The following LACTBL1 variants were observed in gnomAD, a reference collection of about 807,000 sequenced individuals.
LACTBL1 encodes the protein beta-lactamase-like protein 1.
LACTBL1 carries 29 observed loss-of-function variants against 39.6 expected under a neutral mutation model. The ratio of observed to expected loss-of-function variants is 0.73; its 90% confidence interval spans 0.55 to 1.00. The LOEUF is 1.00. Ranked by LOEUF, LACTBL1 falls within the 50% of genes least tolerant of loss-of-function variation. LACTBL1 has a pLI of 0.00. For synonymous variants in LACTBL1, 361 were observed against 360.7 expected (o/e 1.00, Z -0.01); for missense variants, 711 against 748.5 (o/e 0.95, Z 0.59).
chr1:22,955,671 C>T (rs1029544765), intron 4 of LACTBL1, among the ~76,000 whole-genome samples: 1 of 152,188 alleles, frequency 6.6e-6, no homozygotes, highest in Admixed American at 6.5e-5. Context: ...GGAAATAATC[C>T]TTGTACCCAA....
intron 1 of LACTBL1, among the ~76,000 whole-genome samples, chr1:22,964,835 C>T (rs996067023): frequency 2.6e-5 from 4 of 152,160 alleles, no homozygotes; most frequent in South Asian, 2.1e-4. Flanking sequence ...TGGGCCTTGA[C>T]CCGTTCAGGA....
At chr1:22,970,429 A>G in the LACTBL1 span, among the ~76,000 whole-genome samples, 1 of 152,180 alleles carries the variant, frequency 6.6e-6, no homozygotes, top group Non-Finnish European at 1.5e-5. Flanking sequence ...AAACAACTCA[A>G]TGGTTGTCTG....
upstream of LACTBL1, chr1:22,965,494 C>T (rs1640867856): frequency 2.2e-6 from 2 of 889,864 alleles, no homozygotes; most frequent in African/African-American, 1.8e-5. Context: ...GGACCCTAAC[C>T]CTGGCCCCTC....
chr1:22,953,769 C>G (rs759928092), exon 6 of LACTBL1: 1 of 1,479,648 alleles, frequency 6.8e-7, no homozygotes, highest in African/African-American at 1.5e-5. Flanking sequence ...CCAGCTTGGC[C>G]AGGTCGGCGG....
chr1:22,953,551 G>A (rs1640730277), exon 6 of LACTBL1: 7 of 1,248,236 alleles, frequency 5.6e-6, no homozygotes, highest in South Asian at 3.7e-5. Context: ...CAGACGCAGC[G>A]GGGGCACCAG....
chr1:22,953,503 C>T, exon 6 of LACTBL1: 3 of 1,232,634 alleles, frequency 2.4e-6, no homozygotes, highest in Non-Finnish European at 3.0e-6. Flanking sequence ...CAGGTCGGGC[C>T]CGGGCGGCCG....
At chr1:22,960,617 C>CAAAAAAAA (rs35006759) in intron 2 of LACTBL1, among the ~76,000 whole-genome samples, 1 of 37,988 alleles carries the variant, frequency 2.6e-5, no homozygotes, top group Non-Finnish European at 4.9e-5. Flanking sequence ...AACTCCGTCT[C>CAAAAAAAA]AAAAAAAAAA....
chr1:22,972,368 A>G, the LACTBL1 span: 1 of 985,308 alleles, frequency 1.0e-6, no homozygotes. Context: ...GGTCTACACC[A>G]CAGGAGATCC....
chr1:22,957,640 C>CTTTTTTTT (rs34603019), intron 4 of LACTBL1, among the ~76,000 whole-genome samples: 2 of 56,640 alleles, frequency 3.5e-5, no homozygotes, highest in African/African-American at 1.5e-4. Flanking sequence ...TCTTAATATT[C>CTTTTTTTT]TTTTTTTTTT....
intron 2 of LACTBL1, among the ~76,000 whole-genome samples, chr1:22,961,963 C>G (rs1038536720): frequency 4.0e-5 from 6 of 151,814 alleles, no homozygotes; most frequent in Admixed American, 1.3e-4. Flanking sequence ...GGTCAGGCTG[C>G]TCTTGAACTC....
chr1:22,962,342 G>A (rs777003861), intron 2 of LACTBL1, among the ~76,000 whole-genome samples: 24 of 151,960 alleles, frequency 1.6e-4, no homozygotes, highest in Admixed American at 2.6e-4. Flanking sequence ...ACTATTCCTC[G>A]GATGATAGTT....
chr1:22,953,046 C>A (rs902085571), exon 6 of LACTBL1: 6 of 1,232,324 alleles, frequency 4.9e-6, no homozygotes, highest in Non-Finnish European at 5.1e-6. Flanking sequence ...CCCGGGGTCA[C>A]TGGGTCTTGA....
upstream of LACTBL1, among the ~76,000 whole-genome samples, chr1:22,967,147 T>A (rs1022879342): frequency 1.3e-5 from 2 of 152,114 alleles, no homozygotes; most frequent in Admixed American, 6.5e-5. Context: ...GGCGGGTGGA[T>A]CACTTGAGCC....
exon 4 of LACTBL1, chr1:22,958,793 C>A (rs1407500438): frequency 2.6e-6 from 4 of 1,550,552 alleles, no homozygotes; most frequent in Non-Finnish European, 3.5e-6. Context: ...GATGCCAGGC[C>A]CAGCGGGTTG....
upstream of LACTBL1, among the ~76,000 whole-genome samples, chr1:22,970,101 CT>C (rs1198421390): frequency 6.6e-6 from 1 of 152,186 alleles, no homozygotes; most frequent in Non-Finnish European, 1.5e-5. Flanking sequence ...ACTTTTACAT[CT>C]GGAAATCTTG....
chr1:22,961,921 T>C (rs1039602655), intron 2 of LACTBL1, among the ~76,000 whole-genome samples: 2 of 152,128 alleles, frequency 1.3e-5, no homozygotes, highest in Non-Finnish European at 2.9e-5. Flanking sequence ...TGATGTTTTA[T>C]ATTTTTAGTA....
At chr1:22,962,437 G>T (rs578252740) in intron 2 of LACTBL1, among the ~76,000 whole-genome samples, 10 of 152,280 alleles carry the variant, frequency 6.6e-5, no homozygotes, top group African/African-American at 2.4e-4. Context: ...GGTGACCCAA[G>T]TGGCTGGGCT....
At chr1:22,963,155 G>A (rs991469914) in exon 2 of LACTBL1, 51 of 1,303,346 alleles carry the variant, frequency 3.9e-5, no homozygotes, top group South Asian at 1.5e-4. Context: ...CCAGGGGCAC[G>A]GGCTCAGGGT....
In LACTBL1 at chr1:22,953,531, G is replaced by GCAC. The variant is rs764403246; in HGVS notation, c.1150_1152dup (p.Val384dup). 3,912 of 1,239,870 alleles carry GCAC rather than the reference G, an allele frequency of 3.2e-3. 13 individuals carry two copies. The highest frequency in any genetic ancestry group is 3.6e-3 in the Non-Finnish European group (3,582 of 994,432). 76.8% of individuals were successfully genotyped at this position (1,239,870 alleles called of 1,614,324 possible). A position where few individuals can be genotyped will look rare whatever the true frequency, so the allele number is the denominator to read the frequency against. ...GGCGGCCGTGGCCCTGCCAGCAGCA[G>GCAC]CACCAGGCCCAGACGCAGCGGGGGC... On this transcript the variant is annotated inframe_insertion, in exon 6 of 6. Transcript: ENST00000426928.
Sources: allele counts gnomAD v4.1 joint callset (sites outside exome capture counted in the v4.1 genomes callset), GRCh38; gene constraint gnomAD v4.1.1; transcripts MANE v1.5; gene names NCBI Gene and HGNC (gene_info 2026-07-23, HGNC 2026-07-21).